The following RPS6KC1 variants were observed in gnomAD, a reference collection of about 807,000 sequenced individuals.
RPS6KC1 encodes the protein inactive ribosomal protein S6 kinase delta-1.
Under a neutral mutation model 103.8 loss-of-function variants are expected in RPS6KC1, and 54 were observed. The observed-to-expected ratio is 0.52, with a 90% CI of 0.42 to 0.65. The LOEUF (loss-of-function observed/expected upper bound fraction) is 0.65, where lower values mean the gene tolerates loss of function less well. RPS6KC1 is among the 30% of genes least tolerant of loss of function. The pLI is 0.00. For synonymous variants in RPS6KC1, 439 were observed against 438.7 expected (o/e 1.00, Z -0.01); for missense variants, 1,151 against 1,253.8 (o/e 0.92, Z 1.24).
At chr1:213,218,117 A>G (rs1318910295) in intron 8 of RPS6KC1, among the ~76,000 whole-genome samples, 2 of 152,330 alleles carry the variant, frequency 1.3e-5, no homozygotes, top group South Asian at 2.1e-4. Flanking sequence ...TTATATATCT[A>G]GAAAACCCCA....
At chr1:213,288,952 CTG>C in the RPS6KC1 span, among the ~76,000 whole-genome samples, 3 of 152,046 alleles carry the variant, frequency 2.0e-5, no homozygotes, top group African/African-American at 7.3e-5. Flanking sequence ...GTTTGTTTGT[CTG>C]TTTTTTAAAT....
intron 8 of RPS6KC1, among the ~76,000 whole-genome samples, chr1:213,204,426 C>A (rs1467381473): frequency 1.3e-5 from 2 of 151,870 alleles, no homozygotes; most frequent in African/African-American, 4.8e-5. Context: ...TTTTTGTATC[C>A]TTTATTTGTA....
chr1:213,307,991 A>G, the RPS6KC1 span, among the ~76,000 whole-genome samples: 50 of 152,254 alleles, frequency 3.3e-4, 1 homozygote, highest in South Asian at 8.5e-3. Flanking sequence ...GGGCTGTTCA[A>G]TGATACTGGG....
chr1:213,556,490 G>A, the RPS6KC1 span, among the ~76,000 whole-genome samples: 2 of 152,152 alleles, frequency 1.3e-5, no homozygotes, highest in African/African-American at 4.8e-5. Flanking sequence ...TATGCAGAGG[G>A]AGCAGGCTTA....
At chr1:213,499,660 A>G in the RPS6KC1 span, among the ~76,000 whole-genome samples, 5 of 151,956 alleles carry the variant, frequency 3.3e-5, no homozygotes, top group South Asian at 2.1e-4. Flanking sequence ...CTAACAGGAC[A>G]TTGACCAGTA....
chr1:213,849,388 A>G, the RPS6KC1 span, among the ~76,000 whole-genome samples: 1 of 152,182 alleles, frequency 6.6e-6, no homozygotes, highest in African/African-American at 2.4e-5. Context: ...TGTAACTTTC[A>G]TTACCATTTA....
At chr1:213,128,164 A>G (rs1037811678) in intron 5 of RPS6KC1, among the ~76,000 whole-genome samples, 1 of 152,214 alleles carries the variant, frequency 6.6e-6, no homozygotes, top group Non-Finnish European at 1.5e-5. Context: ...ACATATGACA[A>G]CAGATTGTGA....
chr1:213,846,710 T>A, the RPS6KC1 span, among the ~76,000 whole-genome samples: 1 of 152,330 alleles, frequency 6.6e-6, no homozygotes, highest in Non-Finnish European at 1.5e-5. Flanking sequence ...ATATCATATA[T>A]AAATTTTCTA....
At chr1:213,054,094 C>T (rs1276313826) in intron 1 of RPS6KC1, among the ~76,000 whole-genome samples, 4 of 152,028 alleles carry the variant, frequency 2.6e-5, no homozygotes, top group Non-Finnish European at 4.4e-5. Context: ...CCTCAGCCTC[C>T]CAAAGTGCTG....
the RPS6KC1 span, among the ~76,000 whole-genome samples, chr1:213,332,202 T>C: frequency 6.6e-6 from 1 of 152,164 alleles, no homozygotes; most frequent in African/African-American, 2.4e-5. Context: ...ACATTAACAA[T>C]TCTGTCATTT....
the RPS6KC1 span, among the ~76,000 whole-genome samples, chr1:213,729,295 T>C: frequency 6.6e-6 from 1 of 152,130 alleles, no homozygotes; most frequent in Admixed American, 6.5e-5. Flanking sequence ...TCGTGCAGTA[T>C]TTCCCTCTTG....
chr1:213,551,622 C>T, the RPS6KC1 span, among the ~76,000 whole-genome samples: 11 of 152,146 alleles, frequency 7.2e-5, no homozygotes, highest in African/African-American at 2.4e-4. Context: ...TATATTGCCC[C>T]GACACAGGCA....
intron 8 of RPS6KC1, among the ~76,000 whole-genome samples, chr1:213,221,406 A>G (rs188207614): frequency 4.6e-5 from 7 of 152,204 alleles, no homozygotes; most frequent in South Asian, 2.1e-4. Flanking sequence ...GACTTAGGCA[A>G]TATTTCTTCA....
Position 213,240,874 on chromosome 1 carries a change from G to A in RPS6KC1, c.1398G>A (p.Met466Ile). 1 of 1,613,922 alleles carries A rather than the reference G, an allele frequency of 6.2e-7. No individual in the cohort carries two copies. The highest frequency in any genetic ancestry group is 8.5e-7 in the Non-Finnish European group (1 of 1,179,896). The change falls in exon 11 of 15, where the codon ATG becomes ATA. Residue 466 changes from methionine to isoleucine, a missense_variant. Around this residue, in one of 3 missense-constraint regions of RPS6KC1, gnomAD observed 959 missense variants for 1,006.3 expected, o/e 0.95. Coordinates refer to ENST00000366960, the MANE Select transcript of RPS6KC1 (RefSeq NM_012424.6). Reference sequence around the variant, plus strand: ...CCAGAGGAAGTGATGGTGGAAGCATGCTTAAAGCTCTGCCTTTGAAGAGTA... The same window carrying A: ...CCAGAGGAAGTGATGGTGGAAGCATACTTAAAGCTCTGCCTTTGAAGAGTA... ...FESRGSDGGS[M>I]LKALPLKSSL...
chr1:213,628,487 T>A, the RPS6KC1 span, among the ~76,000 whole-genome samples: 1 of 152,172 alleles, frequency 6.6e-6, no homozygotes, highest in Non-Finnish European at 1.5e-5. Context: ...TCTTTCTTTT[T>A]AAATTATACT....
intron 6 of RPS6KC1, among the ~76,000 whole-genome samples, chr1:213,163,556 A>G (rs1235562061): frequency 6.6e-6 from 1 of 152,214 alleles, no homozygotes; most frequent in Non-Finnish European, 1.5e-5. Flanking sequence ...TTTGTTGAAC[A>G]AATGATGAGG....
At chr1:213,167,439 A>AACACACACACACACACAC (rs199762137) in intron 6 of RPS6KC1, among the ~76,000 whole-genome samples, 14 of 75,990 alleles carry the variant, frequency 1.8e-4, no homozygotes, top group East Asian at 3.4e-4. Flanking sequence ...CAAGGTTGAA[A>AACACACACACACACACAC]ACACACACAC....
chr1:213,325,799 A>C, the RPS6KC1 span, among the ~76,000 whole-genome samples: 1 of 152,252 alleles, frequency 6.6e-6, no homozygotes, highest in Non-Finnish European at 1.5e-5. Context: ...TCCTGCTCAC[A>C]AACCTTGGTC....
At chr1:213,525,208 A>G in the RPS6KC1 span, among the ~76,000 whole-genome samples, 2 of 152,186 alleles carry the variant, frequency 1.3e-5, no homozygotes, top group Non-Finnish European at 2.9e-5. Flanking sequence ...GGAACACTGT[A>G]GGGGGAGAGA....
Sources: allele counts gnomAD v4.1 joint callset (sites outside exome capture counted in the v4.1 genomes callset), GRCh38; gene constraint gnomAD v4.1.1; regional missense constraint gnomAD v4.1.1; transcripts MANE v1.5; gene names NCBI Gene and HGNC (gene_info 2026-07-23, HGNC 2026-07-21).